CYFIP2: variants seen among roughly 807,000 people sequenced by gnomAD.
CYFIP2 encodes the protein cytoplasmic FMR1-interacting protein 2.
In CYFIP2, 29 loss-of-function variants were observed where a neutral mutation model predicts 158.7. The observed-to-expected ratio is 0.18, with a 90% CI of 0.14 to 0.25. The LOEUF (loss-of-function observed/expected upper bound fraction) is 0.25. Ranked by LOEUF, CYFIP2 falls within the 10% of genes least tolerant of loss-of-function variation. The pLI, the probability that CYFIP2 is intolerant of heterozygous loss-of-function variation, is 1.00. For missense variants in CYFIP2, 852 were observed against 1,639.5 expected, an observed-to-expected ratio of 0.52 and a Z score of 8.29; for synonymous variants, 585 against 617.6, an observed-to-expected ratio of 0.95 and a Z score of 0.78.
chr5:157,282,187 G>T (rs1580964230), intron 1 of CYFIP2, among the ~76,000 whole-genome samples: 1 of 152,212 alleles, frequency 6.6e-6, no homozygotes, highest in South Asian at 2.1e-4. Context: ...AGGAAGCATG[G>T]TGCCAGCATC....
intron 25 of CYFIP2, among the ~76,000 whole-genome samples, chr5:157,360,766 G>C (rs1237841648): frequency 6.6e-6 from 1 of 152,232 alleles, no homozygotes; most frequent in African/African-American, 2.4e-5. Flanking sequence ...TCTAAGATAA[G>C]TCAGGAAATG....
chr5:157,292,334 C>G (rs183132785), intron 3 of CYFIP2, among the ~76,000 whole-genome samples: 14 of 152,184 alleles, frequency 9.2e-5, no homozygotes, highest in Admixed American at 5.9e-4. Flanking sequence ...ATTCTTCTGC[C>G]TCAGCCTCCT....
intron 20 of CYFIP2, among the ~76,000 whole-genome samples, chr5:157,332,759 T>A (rs770326670): frequency 6.6e-6 from 1 of 152,142 alleles, no homozygotes; most frequent in Non-Finnish European, 1.5e-5. Context: ...TCTTCCCACC[T>A]CCAGCCTCCC....
chr5:157,329,398 T>C (rs148981182), intron 19 of CYFIP2, among the ~76,000 whole-genome samples: 42 of 152,206 alleles, frequency 2.8e-4, no homozygotes, highest in African/African-American at 9.2e-4. Context: ...TTCAGACATA[T>C]GGGCTTTTAT....
At position 157,361,453 on chromosome 5, in the gene CYFIP2, CG is replaced by C. The variant is rs1481800206; in HGVS notation, c.2909-14del. ...AGTGTCAACTTCCCACTGACCACCCCGATTCACCTCCCAGGGATCCTGGAGT... is the reference window on the plus strand; with the variant it reads ...AGTGTCAACTTCCCACTGACCACCCCATTCACCTCCCAGGGATCCTGGAGT... On this transcript the variant is annotated splice_polypyrimidine_tract_variant and intron_variant, in intron 25 of 30. Transcript: ENST00000620254. The surrounding 1 kb of genome is among the most constrained non-coding windows in gnomAD (Gnocchi z 4.4). The C allele has an allele frequency of 1.2e-6, 2 of 1,613,528 alleles. No individual in the cohort carries two copies. Among genetic ancestry groups the C allele is most frequent in the Admixed American group, 3.3e-5 (2 of 59,988 alleles).
At chr5:157,300,056 T>TG (rs1239519678) in intron 5 of CYFIP2, among the ~76,000 whole-genome samples, 1 of 152,210 alleles carries the variant, frequency 6.6e-6, no homozygotes, top group Non-Finnish European at 1.5e-5. Flanking sequence ...ACTGGATGAA[T>TG]GAGCCTCTTT....
intron 23 of CYFIP2, chr5:157,342,945 C>G: frequency 6.2e-7 from 1 of 1,614,224 alleles, no homozygotes; most frequent in Non-Finnish European, 8.5e-7. Flanking sequence ...TCCTGGTTGG[C>G]TTCGGGATCC....
intron 1 of CYFIP2, among the ~76,000 whole-genome samples, chr5:157,274,320 A>G (rs985071389): frequency 6.6e-6 from 1 of 152,290 alleles, no homozygotes; most frequent in African/African-American, 2.4e-5. Context: ...GGCATGTTTA[A>G]TAAATGGAAC....
At chr5:157,276,858 T>C (rs1370727448) in intron 1 of CYFIP2, among the ~76,000 whole-genome samples, 3 of 152,200 alleles carry the variant, frequency 2.0e-5, no homozygotes, top group African/African-American at 7.2e-5. Context: ...CCTCTGTTTA[T>C]GGCATATAAT....
intron 26 of CYFIP2, among the ~76,000 whole-genome samples, chr5:157,366,427 C>G (rs981335172): frequency 6.6e-6 from 1 of 152,166 alleles, no homozygotes; most frequent in Non-Finnish European, 1.5e-5. Flanking sequence ...TTTAGAAAAC[C>G]TTTCCTACTC....
Position 157,390,595 on chromosome 5 carries a change from A to T in CYFIP2, c.3521A>T (p.Asp1174Val). Reference sequence around the variant, plus strand: ...CTGCTGGGCCAGCAGCGTCGCTTTGACCTGTTCGACTTCTGTTACCACCTG... The same window carrying T: ...CTGCTGGGCCAGCAGCGTCGCTTTGTCCTGTTCGACTTCTGTTACCACCTG... Reference protein sequence around the residue: ...IVLLGQQRRFDLFDFCYHLLK... With the variant: ...IVLLGQQRRFVLFDFCYHLLK... Residue 1174 changes from aspartate to valine, a missense_variant, in exon 30 of 31, where the codon GAC becomes GTC. Asp to Val is a radical substitution (Grantham distance 152). Coordinates refer to ENST00000620254, the MANE Select transcript of CYFIP2 (RefSeq NM_001037333.3). 6.4e-7 allele frequency: 1 copy of T among 1,566,208 alleles called. No homozygotes were observed. The highest frequency in any genetic ancestry group is 8.7e-7 in the Non-Finnish European group (1 of 1,155,038).
intron 26 of CYFIP2, among the ~76,000 whole-genome samples, chr5:157,378,316 A>G (rs916608277): frequency 2.6e-5 from 4 of 152,210 alleles, no homozygotes; most frequent in African/African-American, 9.6e-5. Context: ...AAGGTAGCTC[A>G]GACTCTTGTT....
rs933546640 is a variant in CYFIP2 at position 157,329,442 on chromosome 5, A to G, written c.2157-1300A>G. ...TTCCCTGTAAGATCAGTGATTTTTT[A>G]AAGTGTGGGAAGTTGAGGAGGTTGA... On this transcript the variant is annotated intron_variant, in intron 19 of 30. Coordinates refer to ENST00000620254, the MANE Select transcript of CYFIP2 (RefSeq NM_001037333.3). 1.1e-4 allele frequency among the ~76,000 whole-genome samples: 17 copies of G among 152,304 alleles called. No individual in the cohort carries two copies. The South Asian group carries it at 3.3e-3, about 30-fold the overall frequency.
chr5:157,390,462 C>G (rs1042513428), intron 29 of CYFIP2, 59 bp from the exon 30 acceptor site: 2 of 966,070 alleles, frequency 2.1e-6, no homozygotes, highest in Admixed American at 4.6e-5. Flanking sequence ...GAGGCTCCCT[C>G]CCTCCCTGCC....
chr5:157,299,682 C>G (rs1200921139), intron 5 of CYFIP2, among the ~76,000 whole-genome samples: 1 of 152,188 alleles, frequency 6.6e-6, no homozygotes, highest in Non-Finnish European at 1.5e-5. Flanking sequence ...AGGCAGATCA[C>G]TTGAGGTCAG....
intron 8 of CYFIP2, among the ~76,000 whole-genome samples, chr5:157,306,921 C>G (rs1018196003): frequency 1.3e-4 from 19 of 150,056 alleles, no homozygotes; most frequent in Admixed American, 1.3e-4. Context: ...CGGAAATGCA[C>G]CCACAGAGGA....
chr5:157,288,354 G>A (rs150015232), intron 3 of CYFIP2, among the ~76,000 whole-genome samples: 5 of 152,268 alleles, frequency 3.3e-5, no homozygotes, highest in Non-Finnish European at 7.4e-5. Context: ...CAACACTGTT[G>A]CACTGGAGAT....
chr5:157,267,243 A>G (rs765417385), intron 1 of CYFIP2, among the ~76,000 whole-genome samples: 5 of 152,180 alleles, frequency 3.3e-5, no homozygotes, highest in African/African-American at 4.8e-5. Flanking sequence ...TTTTTCTGCT[A>G]GTTCCTGGGT....
intron 8 of CYFIP2, among the ~76,000 whole-genome samples, chr5:157,305,781 C>A: frequency 6.6e-6 from 1 of 152,244 alleles, no homozygotes; most frequent in Middle Eastern, 3.2e-3. Context: ...TCCAAAAGTG[C>A]TGGGATTACG....
Sources: allele counts gnomAD v4.1 joint callset (sites outside exome capture counted in the v4.1 genomes callset), GRCh38; gene constraint gnomAD v4.1.1; non-coding constraint Gnocchi (gnomAD v3.1); transcripts MANE v1.5; gene names NCBI Gene and HGNC (gene_info 2026-07-23, HGNC 2026-07-21).